COL4A3: variants seen among roughly 807,000 people sequenced by gnomAD.
COL4A3 encodes collagen type IV alpha 3 chain.
COL4A3 carries 135 observed loss-of-function variants against 217.4 expected under a neutral mutation model. That is an observed-to-expected ratio of 0.62 (90% confidence interval 0.54 to 0.72). The LOEUF (loss-of-function observed/expected upper bound fraction) is 0.72, where lower values mean the gene tolerates loss of function less well. Ranked by LOEUF, COL4A3 falls within the 30% of genes least tolerant of loss-of-function variation. COL4A3 has a pLI of 0.00. For synonymous variants in COL4A3, 690 were observed against 736.3 expected, an observed-to-expected ratio of 0.94 and a Z score of 1.02; for missense variants, 1,868 against 2,119.9, an observed-to-expected ratio of 0.88 and a Z score of 2.33.
At chr2:227,288,756 GC>G (rs1284742123) in intron 34 of COL4A3, among the ~76,000 whole-genome samples, 1 of 152,114 alleles carries the variant, frequency 6.6e-6, no homozygotes, top group Non-Finnish European at 1.5e-5. Flanking sequence ...CTTATGCCAG[GC>G]ACTGTGCTAA....
In COL4A3 at chr2:227,282,513, G is replaced by T. The variant is rs755312698; in HGVS notation, c.2637G>T (p.Pro879=). 6.2e-7 allele frequency: 1 copy of T among 1,613,472 alleles called. No individual in the cohort carries two copies. The highest frequency in any genetic ancestry group is 1.1e-5 in the South Asian group (1 of 91,054). Residue 879 remains proline, a synonymous_variant, in exon 32 of 52, where the codon CCG becomes CCT. Coordinates refer to ENST00000396578, the MANE Select transcript of COL4A3 (RefSeq NM_000091.5). This position sits in a 1 kb window ranked among gnomAD's most constrained non-coding sequence, Gnocchi z 4.4. ...GTCAAAGAGGATATCCAGGAAATCC[G>T]GGAATTTTAGGGCCACCAGGTATCC... The part of the protein sequence containing the change: ...PLGQRGYPGN[P]GILGPPGEDG...
chr2:227,251,279 G>T (rs745691367), intron 10 of COL4A3, 57 bp from the exon 11 acceptor site: 105 of 1,597,436 alleles, frequency 6.6e-5, no homozygotes, highest in Non-Finnish European at 8.2e-5. Context: ...GTTATTAAAA[G>T]AATTTTTCTG....
chr2:227,203,728 T>C lies in COL4A3; in HGVS notation c.88-34240T>C, dbSNP rs2066976976. The stretch of plus-strand genomic sequence containing the variant: ...ATGTGTATATATACATATATGTGTG[T>C]ATATATGTGTATATATACATATATG... On this transcript the variant is annotated intron_variant, in intron 1 of 51. Transcript: ENST00000396578. 3.6e-5 allele frequency among the ~76,000 whole-genome samples: 2 copies of C among 55,454 alleles called. 1 individual carries two copies. The highest frequency in any genetic ancestry group is 6.3e-5 in the Non-Finnish European group (2 of 31,682). 36.4% of individuals were successfully genotyped at this position (55,454 alleles called of 152,430 possible). A position where few individuals can be genotyped will look rare whatever the true frequency, so the allele number is the denominator to read the frequency against.
chr2:227,228,254 G>C (rs1416052816), intron 1 of COL4A3, among the ~76,000 whole-genome samples: 1 of 152,216 alleles, frequency 6.6e-6, no homozygotes, highest in Non-Finnish European at 1.5e-5. Flanking sequence ...CAGTCCATGG[G>C]TGTCATTCTT....
chr2:227,285,304 AT>A (rs66901419), intron 34 of COL4A3, among the ~76,000 whole-genome samples: 10 of 150,016 alleles, frequency 6.7e-5, no homozygotes, highest in African/African-American at 2.4e-4. Context: ...AAAAAAAAAA[AT>A]TTGCACAGGG....
In COL4A3 at chr2:227,256,362, G is replaced by A. The variant is rs1559872489; in HGVS notation, c.953G>A (p.Gly318Asp). Reference sequence around the variant, plus strand: ...CTTTAGGGAGTCAAGGGCAACAGGGGTTTCCCTGGGTTAATGGGTGAAGAT... The same window carrying A: ...CTTTAGGGAGTCAAGGGCAACAGGGATTTCCCTGGGTTAATGGGTGAAGAT... ...PGSEGVKGNR[G>D]FPGLMGEDGI... is the part of the protein sequence containing the mutation. Residue 318 changes from glycine to aspartate, a missense_variant, in exon 17 of 52, where the codon GGT becomes GAT. Around this residue, in one of 2 missense-constraint regions of COL4A3, gnomAD observed 1,503 missense variants for 1,786.1 expected, o/e 0.84. Coordinates refer to ENST00000396578, the MANE Select transcript of COL4A3 (RefSeq NM_000091.5). 6.2e-7 allele frequency: 1 copy of A among 1,613,572 alleles called. No homozygotes were observed. Among genetic ancestry groups the A allele is most frequent in the South Asian group, 1.1e-5 (1 of 91,066 alleles).
intron 1 of COL4A3, among the ~76,000 whole-genome samples, chr2:227,188,131 G>A (rs1446861114): frequency 6.6e-6 from 1 of 151,924 alleles, no homozygotes; most frequent in Non-Finnish European, 1.5e-5. Flanking sequence ...TTTTCTGATT[G>A]TTCTACTCCA....
At chr2:227,302,835 T>C (rs1000993316) in intron 43 of COL4A3, among the ~76,000 whole-genome samples, 12 of 152,150 alleles carry the variant, frequency 7.9e-5, no homozygotes, top group African/African-American at 2.9e-4. Context: ...TTTGTTTTAC[T>C]TTTAAAACGA....
At position 227,225,024 on chromosome 2, in the gene COL4A3, G is replaced by A. The variant is rs191029990; in HGVS notation, c.88-12944G>A. ...CCTCCTGGGCTCCAGCGATCCTCCC[G>A]CCTCAGCATCCTGAGTAGCTGGAAC... On this transcript the variant is annotated intron_variant, in intron 1 of 51. Coordinates refer to ENST00000396578, the MANE Select transcript of COL4A3 (RefSeq NM_000091.5). Among the ~76,000 whole-genome samples, 377 of 152,138 alleles carry A rather than the reference G, an allele frequency of 2.5e-3. 8 individuals carry two copies. Among genetic ancestry groups the A allele is most frequent in the Admixed American group, 0.024 (368 of 15,284 alleles).
chr2:227,299,343 C>T (rs1025965143), intron 43 of COL4A3, among the ~76,000 whole-genome samples: 7 of 152,088 alleles, frequency 4.6e-5, no homozygotes, highest in African/African-American at 1.2e-4. Context: ...TGCAGTGAGC[C>T]GAGATAGCGC....
intron 1 of COL4A3, among the ~76,000 whole-genome samples, chr2:227,220,136 A>ATG (rs35199710): frequency 0.13 from 16,450 of 126,930 alleles, 1,122 homozygotes; most frequent in South Asian, 0.19. Context: ...AGGCGGTTTT[A>ATG]TGTGTGTGTG....
chr2:227,212,141 G>C (rs182119888), intron 1 of COL4A3, among the ~76,000 whole-genome samples: 1 of 149,444 alleles, frequency 6.7e-6, no homozygotes, highest in Non-Finnish European at 1.5e-5. Context: ...ATGACTGCAC[G>C]TATCTTTTCT....
At chr2:227,287,158 G>A (rs548168940) in intron 34 of COL4A3, among the ~76,000 whole-genome samples, 1 of 152,332 alleles carries the variant, frequency 6.6e-6, no homozygotes, top group African/African-American at 2.4e-5. Context: ...AAACCGCCAG[G>A]CGTGGTGGCT....
At chr2:227,273,419 T>C (rs994328066) in intron 26 of COL4A3, among the ~76,000 whole-genome samples, 2 of 152,180 alleles carry the variant, frequency 1.3e-5, no homozygotes, top group Non-Finnish European at 2.9e-5. Context: ...TTTGTGGTTT[T>C]CTAGAGACAG....
chr2:227,305,128 C>T lies in COL4A3; in HGVS notation c.4252+45C>T, dbSNP rs375053972. ...CCTCACCGAAGAAGTGCTATTTCGA[C>T]ATACAGAGAAGTCTTGTTCGAGTGG... On this transcript the variant is annotated intron_variant, in intron 47 of 51. Transcript: ENST00000396578. 2.5e-5 allele frequency: 39 copies of T among 1,548,668 alleles called. No homozygotes were observed. In the African/African-American group the frequency reaches 3.9e-4, roughly 16 times the overall value.
intron 46 of COL4A3, chr2:227,304,395 AT>A: frequency 2.1e-6 from 1 of 482,236 alleles, no homozygotes; most frequent in Non-Finnish European, 3.7e-6. Flanking sequence ...TTTTTTTATT[AT>A]TTTTTATTAA....
chr2:227,308,057 A>G (rs2073586862), intron 48 of COL4A3, 138 bp downstream of exon 48: 1 of 797,686 alleles, frequency 1.3e-6, no homozygotes, highest in Non-Finnish European at 2.1e-6. Context: ...AGAGCAAATA[A>G]AACACTGGCC....
At chr2:227,288,266 T>G (rs1157905654) in intron 34 of COL4A3, among the ~76,000 whole-genome samples, 1 of 152,156 alleles carries the variant, frequency 6.6e-6, no homozygotes, top group African/African-American at 2.4e-5. Flanking sequence ...CAGCTACTTT[T>G]TATATTTTTT....
intron 1 of COL4A3, among the ~76,000 whole-genome samples, chr2:227,219,668 C>G (rs1199811851): frequency 6.6e-6 from 1 of 152,118 alleles, no homozygotes; most frequent in Non-Finnish European, 1.5e-5. Flanking sequence ...TGCTTATCTC[C>G]CCATAGTCTG....
Sources: gnomAD v4.1 joint callset for allele counts (sites outside exome capture counted in the v4.1 genomes callset) on GRCh38, gnomAD v4.1.1 for gene constraint, gnomAD v4.1.1 regional missense constraint, Gnocchi (gnomAD v3.1) non-coding constraint, MANE v1.5 for transcripts, NCBI Gene and HGNC (gene_info 2026-07-23, HGNC 2026-07-21) for gene names.